The following MCF2L2 variants were observed in gnomAD, a reference collection of about 807,000 sequenced individuals.
MCF2L2 encodes probable guanine nucleotide exchange factor MCF2L2.
A neutral mutation model predicts 150.2 loss-of-function variants in MCF2L2; 102 were observed. The observed-to-expected ratio is 0.68, with a 90% confidence interval of 0.58 to 0.80. MCF2L2 has a LOEUF of 0.80. MCF2L2 is among the 30% of genes least tolerant of loss of function. The pLI, the probability that MCF2L2 is intolerant of heterozygous loss-of-function variation, is 0.00. For synonymous variants in MCF2L2, 465 were observed against 491.3 expected (o/e 0.95, Z 0.71); for missense variants, 1,256 against 1,372.8 (o/e 0.91, Z 1.34).
At chr3:183,371,932 C>T (rs1039053207) in intron 3 of MCF2L2, 3 of 151,912 alleles carry the variant, frequency 2.0e-5, no homozygotes, top group Middle Eastern at 3.4e-3. Flanking sequence ...ACTCTGAGTA[C>T]TGTCCGTCTT....
intron 9 of MCF2L2, 153 bp downstream of exon 9, chr3:183,310,762 G>A: frequency 1.7e-6 from 1 of 605,244 alleles, no homozygotes. Flanking sequence ...GTGAGAAGGG[G>A]GTTGGAGGGG....
intron 1 of MCF2L2, among the ~76,000 whole-genome samples, chr3:183,426,064 T>C (rs1433681032): frequency 1.3e-5 from 2 of 152,166 alleles, no homozygotes; most frequent in East Asian, 1.9e-4. Flanking sequence ...AGATTAAGTA[T>C]GAGGAGACAG....
At chr3:183,337,565 A>G (rs535999793) in intron 5 of MCF2L2, among the ~76,000 whole-genome samples, 25 of 151,782 alleles carry the variant, frequency 1.6e-4, no homozygotes, top group Non-Finnish European at 3.5e-4. Flanking sequence ...AAAAAAAAAA[A>G]AAAAAGAAGA....
At chr3:183,373,746 T>A (rs1215134013) in intron 3 of MCF2L2, 2 of 152,168 alleles carry the variant, frequency 1.3e-5, no homozygotes, top group Non-Finnish European at 2.9e-5. Context: ...AAAATCTCCC[T>A]AGGCAATCCT....
At chr3:183,339,897 C>T (rs1376724830) in intron 4 of MCF2L2, among the ~76,000 whole-genome samples, 1 of 152,174 alleles carries the variant, frequency 6.6e-6, no homozygotes, top group Admixed American at 6.5e-5. Flanking sequence ...GATCCCTGCA[C>T]TACAGCATGT....
intron 15 of MCF2L2, among the ~76,000 whole-genome samples, chr3:183,238,087 C>A (rs1336954444): frequency 2.0e-5 from 3 of 151,276 alleles, no homozygotes; most frequent in Admixed American, 6.6e-5. Context: ...AATTTCTGTT[C>A]TTTTACATTT....
At chr3:183,290,981 C>A (rs1188567795) in intron 13 of MCF2L2, among the ~76,000 whole-genome samples, 2 of 152,236 alleles carry the variant, frequency 1.3e-5, no homozygotes, top group African/African-American at 4.8e-5. Context: ...TGTGAGCCAA[C>A]TGGAAGCAGC....
At chr3:183,356,181 A>C (rs915798311) in intron 3 of MCF2L2, among the ~76,000 whole-genome samples, 14 of 151,608 alleles carry the variant, frequency 9.2e-5, no homozygotes, top group East Asian at 1.9e-4. Flanking sequence ...AAAAAAAAAA[A>C]AAAACTCTGC....
At position 183,178,857 on chromosome 3, in the gene MCF2L2, G is replaced by A. The variant is rs147923924; in HGVS notation, c.*523C>T. ...GGCGGACCGGGAGCTCCCAGTCTGCGGCCCCCGCCGGGTTGGAGCGGCTCC... is the reference window on the plus strand; with the variant it reads ...GGCGGACCGGGAGCTCCCAGTCTGCAGCCCCCGCCGGGTTGGAGCGGCTCC... On this transcript the variant is annotated 3_prime_UTR_variant, in exon 30 of 30. Transcript: ENST00000328913. 7.8e-3 allele frequency: 1,195 copies of A among 152,648 alleles called. 10 individuals are homozygous for A. Among genetic ancestry groups the A allele is most frequent in the Non-Finnish European group, 0.013 (864 of 68,240 alleles). The allele number at this position is 152,648 out of a possible 1,614,324, so 9.5% of individuals were successfully genotyped here. A position where few individuals can be genotyped will look rare whatever the true frequency, so the allele number is the denominator to read the frequency against.
At chr3:183,402,069 G>A (rs1251887338) in intron 1 of MCF2L2, among the ~76,000 whole-genome samples, 1 of 152,176 alleles carries the variant, frequency 6.6e-6, no homozygotes, top group Non-Finnish European at 1.5e-5. Flanking sequence ...TGAGTAATTA[G>A]AGCTAGTTCT....
intron 1 of MCF2L2, among the ~76,000 whole-genome samples, chr3:183,411,148 T>C (rs1715297675): frequency 6.8e-6 from 1 of 147,634 alleles, no homozygotes. Context: ...AAGGAGCTAA[T>C]TTTTTTTTTG....
At chr3:183,397,008 G>GT (rs1292850174) in intron 1 of MCF2L2, among the ~76,000 whole-genome samples, 1 of 152,164 alleles carries the variant, frequency 6.6e-6, no homozygotes, top group Non-Finnish European at 1.5e-5. Flanking sequence ...CTCTAGGACT[G>GT]TGAGAAAAAT....
At chr3:183,252,770 T>G (rs75513317) in intron 15 of MCF2L2, among the ~76,000 whole-genome samples, 7,749 of 152,302 alleles carry the variant, frequency 0.051, 296 homozygotes, top group South Asian at 0.093. Flanking sequence ...AATCTTTTGC[T>G]TTTCTGTCAT....
intron 2 of MCF2L2, among the ~76,000 whole-genome samples, chr3:183,387,606 CTAAG>C (rs1450492944): frequency 6.6e-6 from 1 of 152,122 alleles, no homozygotes; most frequent in East Asian, 1.9e-4. Context: ...AGTTGCAATA[CTAAG>C]TGTTTTTCAT....
chr3:183,405,397 A>T (rs565665982), intron 1 of MCF2L2, among the ~76,000 whole-genome samples: 1 of 152,282 alleles, frequency 6.6e-6, no homozygotes, highest in East Asian at 1.9e-4. Flanking sequence ...CAGTTCTATG[A>T]GTTTTGACAA....
chr3:183,199,894 GC>G (rs1722213214), intron 25 of MCF2L2, among the ~76,000 whole-genome samples: 1 of 150,860 alleles, frequency 6.6e-6, no homozygotes, highest in Non-Finnish European at 1.5e-5. Flanking sequence ...TTCTGTCCTT[GC>G]GATAGTTTGC....
intron 22 of MCF2L2, among the ~76,000 whole-genome samples, chr3:183,215,418 C>T (rs1722877835): frequency 6.6e-6 from 1 of 152,138 alleles, no homozygotes; most frequent in South Asian, 2.1e-4. Context: ...GACCAGCCTG[C>T]TCCGGATTAA....
At chr3:183,223,637 G>C (rs907696649) in intron 19 of MCF2L2, among the ~76,000 whole-genome samples, 199 bp from the exon 20 acceptor site, 62 of 152,150 alleles carry the variant, frequency 4.1e-4, no homozygotes, top group Non-Finnish European at 2.4e-4. Flanking sequence ...AAAGAGGACG[G>C]CTCGGCTAAT....
At chr3:183,309,685 T>G (rs1297289697) in intron 10 of MCF2L2, 31 bp downstream of exon 10, 5 of 1,613,758 alleles carry the variant, frequency 3.1e-6, no homozygotes, top group Non-Finnish European at 4.2e-6. Context: ...GCAACCTCCC[T>G]CCCAGTACAC....
Sources: gnomAD v4.1 joint callset for allele counts (sites outside exome capture counted in the v4.1 genomes callset) on GRCh38, gnomAD v4.1.1 for gene constraint, MANE v1.5 for transcripts, NCBI Gene and HGNC (gene_info 2026-07-23, HGNC 2026-07-21) for gene names.